Variants in RASSF8 observed in about 807,000 individuals in gnomAD.
The protein encoded by RASSF8 is ras association domain-containing protein 8.
Under a neutral mutation model 48.5 loss-of-function variants are expected in RASSF8, and 22 were observed. That is an observed-to-expected ratio of 0.45 (90% CI 0.32 to 0.65). The LOEUF is 0.65. Ranked by LOEUF, RASSF8 falls within the 30% of genes least tolerant of loss-of-function variation. The probability of loss-of-function intolerance (pLI) is 0.03; values close to 1 mark genes in which losing one functional copy is unlikely to be tolerated. For synonymous variants in RASSF8, 127 were observed against 171.5 expected, an observed-to-expected ratio of 0.74 and a Z score of 2.03; for missense variants, 418 against 489.2, an observed-to-expected ratio of 0.85 and a Z score of 1.37.
intron 3 of RASSF8, among the ~76,000 whole-genome samples, chr12:26,061,850 A>G (rs1943750788): frequency 6.6e-6 from 1 of 152,164 alleles, no homozygotes; most frequent in Non-Finnish European, 1.5e-5. Context: ...AAGCTTTTTT[A>G]TATTGCTGGA....
chr12:26,050,687 A>G (rs879783346), intron 2 of RASSF8, among the ~76,000 whole-genome samples: 1 of 152,264 alleles, frequency 6.6e-6, no homozygotes, highest in African/African-American at 2.4e-5. Context: ...GTTAAAATTA[A>G]TGTGTATGTT....
At chr12:26,019,110 T>A (rs1942723454) in intron 2 of RASSF8, among the ~76,000 whole-genome samples, 1 of 152,112 alleles carries the variant, frequency 6.6e-6, no homozygotes, top group South Asian at 2.1e-4. Context: ...TATTATGGAG[T>A]GATCGTAGCT....
At chr12:26,051,312 A>G (rs1943485316) in intron 2 of RASSF8, among the ~76,000 whole-genome samples, 1 of 152,206 alleles carries the variant, frequency 6.6e-6, no homozygotes, top group Non-Finnish European at 1.5e-5. Context: ...AGAGTGTTAA[A>G]TCACTGGGCA....
At chr12:25,972,830 T>G (rs909593392) in intron 1 of RASSF8, among the ~76,000 whole-genome samples, 1 of 152,228 alleles carries the variant, frequency 6.6e-6, no homozygotes, top group Non-Finnish European at 1.5e-5. Flanking sequence ...ATGCATCAAG[T>G]GCACAGATCG....
Position 26,067,732 on chromosome 12 carries a change from T to A in RASSF8, c.1138+19T>A, listed in dbSNP as rs369299521. On this transcript the variant is annotated intron_variant, in intron 5 of 5. Transcript: ENST00000689635. Reference sequence around the variant, plus strand: ...GAAAGGGGTAAGATGTTGATAAATATGGTTTATTTTCCCTTTATTCTCACT... The same window carrying A: ...GAAAGGGGTAAGATGTTGATAAATAAGGTTTATTTTCCCTTTATTCTCACT... The A allele has an allele frequency of 9.0e-5, 145 of 1,613,436 alleles. No homozygotes were observed. The South Asian group carries it at 1.5e-3, about 17-fold the overall frequency.
chr12:26,005,455 A>G (rs7972703), intron 2 of RASSF8, among the ~76,000 whole-genome samples: 136,895 of 152,212 alleles, frequency 0.9, 61,666 homozygotes, highest in East Asian at 0.99. Flanking sequence ...TCTGTGACCT[A>G]GTTTTAATAC....
intron 3 of RASSF8, among the ~76,000 whole-genome samples, chr12:26,061,796 T>TA (rs1254151911): frequency 6.6e-6 from 1 of 152,182 alleles, no homozygotes; most frequent in South Asian, 2.1e-4. Flanking sequence ...ACCCAATTTA[T>TA]ATAATAAAAT....
In RASSF8 at chr12:26,070,865, A is replaced by C. The variant is rs1309896102; in HGVS notation, c.*2047A>C. On this transcript the variant is annotated 3_prime_UTR_variant, in exon 6 of 6. Coordinates refer to ENST00000689635, the MANE Select transcript of RASSF8 (RefSeq NM_001394098.1). Reference sequence around the variant, plus strand: ...AGAGATGCCTTGGCATACCACGAAAAACACTGTCAATATCCAACTCATTAT... The same window carrying C: ...AGAGATGCCTTGGCATACCACGAAACACACTGTCAATATCCAACTCATTAT... 1 of 984,654 alleles carries C rather than the reference A, an allele frequency of 1.0e-6. No individual in the cohort carries two copies. Among genetic ancestry groups the C allele is most frequent in the Admixed American group, 6.2e-5 (1 of 16,254 alleles). 61.0% of individuals were successfully genotyped at this position (984,654 alleles called of 1,614,324 possible). A position where few individuals can be genotyped will look rare whatever the true frequency, so the allele number is the denominator to read the frequency against.
At chr12:26,025,976 T>C (rs757593934) in intron 2 of RASSF8, among the ~76,000 whole-genome samples, 2 of 152,154 alleles carry the variant, frequency 1.3e-5, no homozygotes, top group African/African-American at 2.4e-5. Context: ...TATACACGTA[T>C]ATAAAAATTA....
chr12:25,985,418 A>G (rs1008061629), intron 1 of RASSF8, among the ~76,000 whole-genome samples: 2 of 152,142 alleles, frequency 1.3e-5, no homozygotes, highest in Non-Finnish European at 2.9e-5. Flanking sequence ...GAAATACATA[A>G]GGATAATTTA....
At chr12:26,017,203 C>G (rs1942672176) in intron 2 of RASSF8, among the ~76,000 whole-genome samples, 1 of 152,166 alleles carries the variant, frequency 6.6e-6, no homozygotes, top group South Asian at 2.1e-4. Context: ...TCCTAAGTTA[C>G]ACAAAGAAGA....
chr12:25,986,158 C>T (rs1941869335), intron 1 of RASSF8, among the ~76,000 whole-genome samples: 1 of 152,108 alleles, frequency 6.6e-6, no homozygotes, highest in Admixed American at 6.6e-5. Context: ...AGTCGAGCTT[C>T]CCAGCATCCC....
At chr12:25,960,912 A>G (rs61914183) in intron 1 of RASSF8, among the ~76,000 whole-genome samples, 9,786 of 152,300 alleles carry the variant, frequency 0.064, 420 homozygotes, top group Non-Finnish European at 0.09. Flanking sequence ...GAGAGTGTTT[A>G]AGTTGTTTAT....
rs1943955839 is a variant in RASSF8 at position 26,069,496 on chromosome 12, CAG to C, written c.*680_*681del. The stretch of plus-strand genomic sequence containing the variant: ...ATATACGTGTGGCCACAGAGCATAA[CAG>C]ATATTTTTCATAAGCTAAATTGTAT... On this transcript the variant is annotated 3_prime_UTR_variant, in exon 6 of 6. Coordinates refer to ENST00000689635, the MANE Select transcript of RASSF8 (RefSeq NM_001394098.1). 1.0e-6 allele frequency: 1 copy of C among 985,372 alleles called. No individual in the cohort carries two copies. The highest frequency in any genetic ancestry group is 1.1e-4 in the East Asian group (1 of 8,818). The allele number at this position is 985,372 out of a possible 1,614,324, so 61.0% of individuals were successfully genotyped here.
intron 1 of RASSF8, among the ~76,000 whole-genome samples, chr12:25,961,257 C>G (rs553786216): frequency 6.6e-6 from 1 of 152,200 alleles, no homozygotes; most frequent in East Asian, 1.9e-4. Context: ...ATGGTTAATT[C>G]CTGGCATAAT....
chr12:25,973,135 G>A (rs368129779), intron 1 of RASSF8, among the ~76,000 whole-genome samples: 1 of 151,938 alleles, frequency 6.6e-6, no homozygotes, highest in African/African-American at 2.4e-5. Context: ...GAACTCCTGG[G>A]TTCAAGTGAT....
intron 4 of RASSF8, among the ~76,000 whole-genome samples, chr12:26,065,650 TA>T (rs1226433914): frequency 6.6e-6 from 1 of 152,184 alleles, no homozygotes; most frequent in East Asian, 1.9e-4. Flanking sequence ...AATGATGAGA[TA>T]GTGAATCTCA....
chr12:25,968,496 C>A (rs1320719588), intron 1 of RASSF8, among the ~76,000 whole-genome samples: 1 of 152,088 alleles, frequency 6.6e-6, no homozygotes, highest in Non-Finnish European at 1.5e-5. Context: ...GCATGTACCA[C>A]CACACCCAGC....
At position 26,068,629 on chromosome 12, in the gene RASSF8, A is replaced by G. The variant is rs1305562618; in HGVS notation, c.1139-68A>G. 3.1e-6 allele frequency: 4 copies of G among 1,282,376 alleles called. No individual in the cohort carries two copies. In the African/African-American group the frequency reaches 6.0e-5, roughly 19 times the overall value. 79.4% of individuals were successfully genotyped at this position (1,282,376 alleles called of 1,614,324 possible). On this transcript the variant is annotated intron_variant, in intron 5 of 5. Coordinates refer to ENST00000689635, the MANE Select transcript of RASSF8 (RefSeq NM_001394098.1). Reference sequence around the variant, plus strand: ...CCCTTTTGGGGTAGGAAGCAGTCTGATTTTTTATATTGCTAAGTACTCCAA... The same window carrying G: ...CCCTTTTGGGGTAGGAAGCAGTCTGGTTTTTTATATTGCTAAGTACTCCAA...
Sources: gnomAD v4.1 joint callset for allele counts (sites outside exome capture counted in the v4.1 genomes callset) on GRCh38, gnomAD v4.1.1 for gene constraint, MANE v1.5 for transcripts, NCBI Gene and HGNC (gene_info 2026-07-23, HGNC 2026-07-21) for gene names.